Variants in ARFGEF1 observed in about 807,000 individuals in gnomAD.
The protein encoded by ARFGEF1 is ARF guanine nucleotide exchange factor 1.
ARFGEF1 carries 42 observed loss-of-function variants against 231.0 expected under a neutral mutation model. That is an observed-to-expected ratio of 0.18 (90% CI 0.14 to 0.24). ARFGEF1 has a LOEUF of 0.24. Ranked by LOEUF, ARFGEF1 falls within the 10% of genes least tolerant of loss-of-function variation. The pLI is 1.00. For missense variants in ARFGEF1, 1,345 were observed against 2,192.0 expected (o/e 0.61, Z 7.72); for synonymous variants, 710 against 732.3 (o/e 0.97, Z 0.49).
intron 28 of ARFGEF1, among the ~76,000 whole-genome samples, chr8:67,225,243 T>C (rs1378920633): frequency 6.6e-6 from 1 of 152,210 alleles, no homozygotes. Context: ...TATAAAGAGC[T>C]CTGGACTAGA....
intron 17 of ARFGEF1, among the ~76,000 whole-genome samples, chr8:67,254,899 C>G (rs201180145): frequency 6.8e-6 from 1 of 147,732 alleles, no homozygotes; most frequent in African/African-American, 2.5e-5. Context: ...AGTCATGGCA[C>G]TAAAAAAAAA....
Position 67,227,129 on chromosome 8 carries a change from A to G in ARFGEF1, c.3916+8T>C. 6.2e-7 allele frequency: 1 copy of G among 1,609,554 alleles called. No individual in the cohort carries two copies. Among genetic ancestry groups the G allele is most frequent in the Non-Finnish European group, 8.5e-7 (1 of 1,177,182 alleles). On this transcript the variant is annotated splice_region_variant and intron_variant, in intron 27 of 38. Transcript: ENST00000262215. ...CTTTTACTTGAACACAGCTAAGAGAATACTCACTGACAATGTGCCCGGTTG... is the reference window on the plus strand; with the variant it reads ...CTTTTACTTGAACACAGCTAAGAGAGTACTCACTGACAATGTGCCCGGTTG...
intron 5 of ARFGEF1, among the ~76,000 whole-genome samples, chr8:67,190,197 T>C (rs1835820825): frequency 1.3e-5 from 2 of 152,204 alleles, no homozygotes; most frequent in African/African-American, 4.8e-5. Context: ...GGTAAATGCA[T>C]AGACAAAATA....
In ARFGEF1 at chr8:67,217,905, G is replaced by C; in HGVS notation, c.4490C>G (p.Ala1497Gly). ...CTCTAAACAGTTTGTACCAGATCGC[G>C]CTAACTGCTCATTGTCTAGGAAAGA... ...WCVQQDNEQL[A>G]RSGTNCLENV... The change falls in exon 32 of 39, where the codon GCG (alanine) becomes GGG (glycine). Residue 1497 changes from alanine (A) to glycine (G), a missense_variant. Transcript: ENST00000262215. The C allele has an allele frequency of 6.2e-7, 1 of 1,613,568 alleles. No homozygotes were observed. Among genetic ancestry groups the C allele is most frequent in the Non-Finnish European group, 8.5e-7 (1 of 1,179,778 alleles).
At chr8:67,203,697 C>T (rs1838414031) in intron 35 of ARFGEF1, among the ~76,000 whole-genome samples, 1 of 152,274 alleles carries the variant, frequency 6.6e-6, no homozygotes, top group Non-Finnish European at 1.5e-5. Context: ...GCCTAGGCCA[C>T]ACTCCTGGCC....
At position 67,197,899 on chromosome 8, in the gene ARFGEF1, T is replaced by C. The variant is rs542427756; in HGVS notation, c.*1035A>G. ...GCACAATTCACAGTATGAATACATTTCCAGTAAATCTAACCTCCGCAAACC... is the reference window on the plus strand; with the variant it reads ...GCACAATTCACAGTATGAATACATTCCCAGTAAATCTAACCTCCGCAAACC... On this transcript the variant is annotated 3_prime_UTR_variant, in exon 39 of 39. Transcript: ENST00000262215. 1.0e-6 allele frequency: 1 copy of C among 985,754 alleles called. No homozygotes were observed. Among genetic ancestry groups the C allele is most frequent in the South Asian group, 4.7e-5 (1 of 21,292 alleles). 61.1% of individuals were successfully genotyped at this position (985,754 alleles called of 1,614,324 possible). A position where few individuals can be genotyped will look rare whatever the true frequency, so the allele number is the denominator to read the frequency against.
chr8:67,292,602 T>C (rs1806057332), intron 5 of ARFGEF1, among the ~76,000 whole-genome samples: 1 of 152,130 alleles, frequency 6.6e-6, no homozygotes, highest in African/African-American at 2.4e-5. Context: ...AAAATTACAT[T>C]TAATAGAATT....
chr8:67,216,687 A>G, intron 32 of ARFGEF1, 25 bp from the exon 33 acceptor site: 1 of 1,586,428 alleles, frequency 6.3e-7, no homozygotes, highest in African/African-American at 1.4e-5. Context: ...AACCACGTCA[A>G]TCACTAGGGG....
chr8:67,263,102 T>C (rs1416282646), intron 14 of ARFGEF1, among the ~76,000 whole-genome samples: 1 of 152,194 alleles, frequency 6.6e-6, no homozygotes, highest in East Asian at 1.9e-4. Flanking sequence ...TTCTCCTTCC[T>C]CTGCTCCCAT....
intron 9 of ARFGEF1, among the ~76,000 whole-genome samples, chr8:67,274,566 A>T (rs1053610567): frequency 6.6e-6 from 1 of 152,074 alleles, no homozygotes; most frequent in Non-Finnish European, 1.5e-5. Context: ...TCAAAACCAG[A>T]TCACTCTTTT....
chr8:67,289,549 CAAAAAAAAAAA>C (rs552601455), intron 6 of ARFGEF1, among the ~76,000 whole-genome samples: 108 of 44,844 alleles, frequency 2.4e-3, no homozygotes, highest in Admixed American at 4.6e-3. Context: ...ACTCTGTATC[CAAAAAAAAAAA>C]AAAAAAAAAA....
At chr8:67,284,519 A>T (rs1173330949) in intron 7 of ARFGEF1, among the ~76,000 whole-genome samples, 1 of 152,180 alleles carries the variant, frequency 6.6e-6, no homozygotes, top group Non-Finnish European at 1.5e-5. Flanking sequence ...CAGTACTCTC[A>T]CTCATCTTTA....
At position 67,197,801 on chromosome 8, in the gene ARFGEF1, G is replaced by C; in HGVS notation, c.*1133C>G. The C allele has an allele frequency of 1.0e-6, 1 of 985,762 alleles. No individual in the cohort carries two copies. Among genetic ancestry groups the C allele is most frequent in the Non-Finnish European group, 1.2e-6 (1 of 829,908 alleles). The allele number at this position is 985,762 out of a possible 1,614,324, so 61.1% of individuals were successfully genotyped here. On this transcript the variant is annotated 3_prime_UTR_variant, in exon 39 of 39. Coordinates refer to ENST00000262215, the MANE Select transcript of ARFGEF1 (RefSeq NM_006421.5). Reference sequence around the variant, plus strand: ...TTTACATCTGTACCATATACATTTTGTCCATCTGAAAAAATTTTCTACATC... The same window carrying C: ...TTTACATCTGTACCATATACATTTTCTCCATCTGAAAAAATTTTCTACATC...
In ARFGEF1 at chr8:67,267,246, A is replaced by G. The variant is rs1300018695; in HGVS notation, c.1673-16T>C. ...CTCTGAGCATCTGTAACAATATAAC[A>G]TTAATTTCAACAAAGTACATCTAGG... is the stretch of plus-strand genomic sequence containing the variant. On this transcript the variant is annotated splice_polypyrimidine_tract_variant and intron_variant, in intron 11 of 38. Coordinates refer to ENST00000262215, the MANE Select transcript of ARFGEF1 (RefSeq NM_006421.5). 1 of 1,609,394 alleles carries G rather than the reference A, an allele frequency of 6.2e-7. No individual in the cohort carries two copies. The highest frequency in any genetic ancestry group is 2.2e-5 in the East Asian group (1 of 44,746).
At chr8:67,274,262 T>C (rs139849962) in intron 9 of ARFGEF1, among the ~76,000 whole-genome samples, 39 of 146,238 alleles carry the variant, frequency 2.7e-4, no homozygotes, top group South Asian at 4.3e-4. Context: ...GACCAGAAAA[T>C]ATAAGGGGAA....
intron 1 of ARFGEF1, among the ~76,000 whole-genome samples, chr8:67,337,191 T>C (rs1238208247): frequency 6.6e-6 from 1 of 150,456 alleles, no homozygotes; most frequent in Non-Finnish European, 1.5e-5. Context: ...TTATTCTCAG[T>C]AGAAAATATC....
intron 19 of ARFGEF1, among the ~76,000 whole-genome samples, chr8:67,244,684 C>T (rs1198851352): frequency 1.3e-5 from 2 of 149,674 alleles, no homozygotes; most frequent in Non-Finnish European, 3.0e-5. Flanking sequence ...AAAATACAGT[C>T]AGAGGAGACA....
intron 1 of ARFGEF1, among the ~76,000 whole-genome samples, chr8:67,302,905 T>TAA (rs1563902346): frequency 1.1e-4 from 11 of 100,232 alleles, no homozygotes; most frequent in African/African-American, 4.3e-4. Context: ...ACCCCATCTC[T>TAA]TAAAAAAAAA....
chr8:67,304,302 T>G (rs1293309377), intron 1 of ARFGEF1, among the ~76,000 whole-genome samples: 1 of 152,252 alleles, frequency 6.6e-6, no homozygotes, highest in Admixed American at 6.5e-5. Context: ...TTGCCTACTG[T>G]GTGCCAGGCA....
Sources: gnomAD v4.1 joint callset for allele counts (sites outside exome capture counted in the v4.1 genomes callset) on GRCh38, gnomAD v4.1.1 for gene constraint, MANE v1.5 for transcripts, NCBI Gene and HGNC (gene_info 2026-07-23, HGNC 2026-07-21) for gene names.